FBXL17: variants seen among roughly 807,000 people sequenced by gnomAD.
FBXL17 encodes F-box and leucine rich repeat protein 17, also known as F-box/LRR-repeat protein 17.
A neutral mutation model predicts 66.2 loss-of-function variants in FBXL17; 22 were observed. That is an observed-to-expected ratio of 0.33 (90% confidence interval 0.24 to 0.47). FBXL17 has a LOEUF of 0.47. Ranked by LOEUF, FBXL17 falls within the 20% of genes least tolerant of loss-of-function variation. The pLI is 1.00. For missense variants in FBXL17, 878 were observed against 948.2 expected (o/e 0.93, Z 0.97); for synonymous variants, 474 against 400.5 (o/e 1.18, Z -2.19).
chr5:108,038,947 T>C (rs1427461338), intron 6 of FBXL17, among the ~76,000 whole-genome samples: 1 of 152,048 alleles, frequency 6.6e-6, no homozygotes, highest in Non-Finnish European at 1.5e-5. Flanking sequence ...AACAGTACAC[T>C]TAGATGCAGA....
At chr5:108,080,605 G>A (rs544657519) in intron 6 of FBXL17, among the ~76,000 whole-genome samples, 122 of 152,344 alleles carry the variant, frequency 8.0e-4, no homozygotes, top group African/African-American at 2.8e-3. Flanking sequence ...GTTACAGCTT[G>A]AGTGTATACA....
rs569921531 is a variant in FBXL17, at chr5:107,951,385, C to T, written c.1822+69540G>A. 5.4e-4 allele frequency among the ~76,000 whole-genome samples: 82 copies of T among 151,252 alleles called. No individual in the cohort carries two copies. In the South Asian group the frequency reaches 0.016, roughly 30 times the overall value. On this transcript the variant is annotated intron_variant, in intron 7 of 8. Coordinates refer to ENST00000542267, the MANE Select transcript of FBXL17 (RefSeq NM_001163315.3). ...ATGTGTAGAGCTTACTTTCAGCAAC[C>T]GTCACATTGGCATTCAGATAAAAAA...
chr5:108,333,955 C>T (rs2941694), intron 4 of FBXL17, among the ~76,000 whole-genome samples: 22,124 of 152,072 alleles, frequency 0.15, 1,928 homozygotes, highest in South Asian at 0.33. Flanking sequence ...TTTATATCCA[C>T]CATTATATTT....
At chr5:108,201,507 T>G (rs985950744) in intron 5 of FBXL17, among the ~76,000 whole-genome samples, 64 of 152,162 alleles carry the variant, frequency 4.2e-4, no homozygotes, top group African/African-American at 1.4e-3. Context: ...TGCCTATAAC[T>G]ATTAATGTTT....
chr5:108,195,950 C>A (rs1324416291), intron 5 of FBXL17, among the ~76,000 whole-genome samples: 2 of 152,002 alleles, frequency 1.3e-5, no homozygotes, highest in Admixed American at 6.6e-5. Context: ...TTTGAATATG[C>A]TATGCTTGAG....
chr5:108,020,846 T>C, intron 7 of FBXL17, 79 bp downstream of exon 7: 4 of 1,016,922 alleles, frequency 3.9e-6, no homozygotes, highest in Non-Finnish European at 6.2e-6. Context: ...ATATAGTTCT[T>C]GATTTCTTTT....
chr5:108,062,134 G>A (rs1405692869), intron 6 of FBXL17, among the ~76,000 whole-genome samples: 17 of 151,978 alleles, frequency 1.1e-4, no homozygotes, highest in Non-Finnish European at 1.0e-4. Flanking sequence ...CATCAGTTGC[G>A]AAACTTGTGG....
intron 8 of FBXL17, among the ~76,000 whole-genome samples, chr5:107,866,220 A>G (rs1748266689): frequency 6.6e-6 from 1 of 152,220 alleles, no homozygotes; most frequent in African/African-American, 2.4e-5. Flanking sequence ...TCTTAAAGAA[A>G]TATGCCGCAC....
intron 6 of FBXL17, among the ~76,000 whole-genome samples, chr5:108,043,198 G>A (rs922124653): frequency 6.6e-6 from 1 of 152,026 alleles, no homozygotes; most frequent in Non-Finnish European, 1.5e-5. Context: ...TATTAAAAGG[G>A]TCTTTCACAT....
chr5:108,165,373 A>T (rs1188892009), intron 6 of FBXL17, among the ~76,000 whole-genome samples: 1 of 152,220 alleles, frequency 6.6e-6, no homozygotes, highest in Non-Finnish European at 1.5e-5. Flanking sequence ...GTGGGATTTT[A>T]AGTAGTCTTT....
intron 4 of FBXL17, among the ~76,000 whole-genome samples, chr5:108,236,501 A>G (rs1755609459): frequency 6.6e-6 from 1 of 151,948 alleles, no homozygotes; most frequent in African/African-American, 2.4e-5. Context: ...TGACAGAGCA[A>G]GACTCTGTCT....
chr5:108,167,513 A>C (rs547386242), intron 6 of FBXL17, among the ~76,000 whole-genome samples: 15 of 152,316 alleles, frequency 9.8e-5, no homozygotes, highest in Non-Finnish European at 1.6e-4. Context: ...AAAAACATAA[A>C]GGACTTCAGT....
At chr5:108,025,727 G>GCACACACA (rs34719664) in intron 6 of FBXL17, among the ~76,000 whole-genome samples, 10 of 141,248 alleles carry the variant, frequency 7.1e-5, no homozygotes, top group African/African-American at 1.8e-4. Flanking sequence ...ACGCGCGCGC[G>GCACACACA]CACACACACA....
intron 3 of FBXL17, among the ~76,000 whole-genome samples, chr5:108,354,560 G>T (rs6885988): frequency 0.25 from 37,904 of 151,742 alleles, 5,092 homozygotes; most frequent in Middle Eastern, 0.33. Context: ...CAGGAACAGA[G>T]AAACATTTGA....
intron 6 of FBXL17, among the ~76,000 whole-genome samples, chr5:108,066,745 C>A (rs1748130460): frequency 6.6e-6 from 1 of 151,628 alleles, no homozygotes; most frequent in Admixed American, 6.6e-5. Context: ...TTTTTAAAAT[C>A]AGTTGTTTTT....
chr5:108,242,087 T>C (rs1755876680), intron 4 of FBXL17, among the ~76,000 whole-genome samples: 2 of 152,188 alleles, frequency 1.3e-5, no homozygotes, highest in African/African-American at 4.8e-5. Context: ...GGTACAAAAC[T>C]CACTTGTAAT....
chr5:108,057,559 C>T (rs546522402), intron 6 of FBXL17, among the ~76,000 whole-genome samples: 2 of 152,254 alleles, frequency 1.3e-5, no homozygotes, highest in African/African-American at 4.8e-5. Flanking sequence ...TTGATCTGTA[C>T]ACAATTCAGC....
intron 7 of FBXL17, among the ~76,000 whole-genome samples, chr5:108,003,520 A>T (rs914797026): frequency 1.3e-5 from 2 of 152,198 alleles, no homozygotes; most frequent in African/African-American, 4.8e-5. Context: ...AAAAGAATAA[A>T]ACCCTAAAGG....
At chr5:108,277,739 G>C (rs147139904) in intron 4 of FBXL17, among the ~76,000 whole-genome samples, 103 of 152,260 alleles carry the variant, frequency 6.8e-4, no homozygotes, top group Non-Finnish European at 1.2e-3. Context: ...AGATATTGCA[G>C]GTTCAGTTCC....
Sources: gnomAD v4.1 joint callset for allele counts (sites outside exome capture counted in the v4.1 genomes callset) on GRCh38, gnomAD v4.1.1 for gene constraint, MANE v1.5 for transcripts, NCBI Gene and HGNC (gene_info 2026-07-23, HGNC 2026-07-21) for gene names.